STK32A: variants seen among roughly 807,000 people sequenced by gnomAD.
The protein encoded by STK32A is serine/threonine kinase 32A, also known as serine/threonine-protein kinase 32A.
In STK32A, 41 loss-of-function variants were observed where a neutral mutation model predicts 53.2. That is an observed-to-expected ratio of 0.77 (90% CI 0.60 to 1.00). The LOEUF (loss-of-function observed/expected upper bound fraction) is 1.00. STK32A is among the 50% of genes least tolerant of loss of function. The pLI is 0.00. For synonymous variants in STK32A, 166 were observed against 162.8 expected (o/e 1.02, Z -0.15); for missense variants, 458 against 485.8 (o/e 0.94, Z 0.54).
chr5:147,339,694 C>T (rs958421420), intron 5 of STK32A, among the ~76,000 whole-genome samples: 5 of 152,278 alleles, frequency 3.3e-5, no homozygotes, highest in African/African-American at 1.2e-4. Flanking sequence ...CCACATGTTA[C>T]ATCAGCGTGA....
intron 4 of STK32A, among the ~76,000 whole-genome samples, chr5:147,296,050 C>A (rs930771680): frequency 6.6e-6 from 1 of 152,184 alleles, no homozygotes; most frequent in Non-Finnish European, 1.5e-5. Flanking sequence ...GAAACCCTTA[C>A]AAATGGAGAT....
At chr5:147,326,014 C>T (rs748911932) in intron 5 of STK32A, among the ~76,000 whole-genome samples, 3 of 152,136 alleles carry the variant, frequency 2.0e-5, no homozygotes, top group Non-Finnish European at 2.9e-5. Context: ...TTTCTTTAGG[C>T]TTCATGTTCT....
At position 147,373,045 on chromosome 5, in the gene STK32A, G is replaced by A. The variant is rs186411898; in HGVS notation, c.778-124G>A. 151 of 1,151,792 alleles carry A rather than the reference G, an allele frequency of 1.3e-4. No homozygotes were observed. In the African/African-American group the frequency reaches 2.2e-3, roughly 17 times the overall value. The allele number at this position is 1,151,792 out of a possible 1,614,324, so 71.3% of individuals were successfully genotyped here. On this transcript the variant is annotated intron_variant, in intron 9 of 12. Transcript: ENST00000397936. ...TGATCTACATTGTTTATGGGATTAGGGATAGGGGACACTGTCTATTTTCCT... is the reference window on the plus strand; with the variant it reads ...TGATCTACATTGTTTATGGGATTAGAGATAGGGGACACTGTCTATTTTCCT...
intron 8 of STK32A, among the ~76,000 whole-genome samples, chr5:147,368,620 A>G (rs950375404): frequency 6.6e-6 from 1 of 152,230 alleles, no homozygotes; most frequent in African/African-American, 2.4e-5. Context: ...TGGTAAATAA[A>G]TAAATATACA....
intron 4 of STK32A, among the ~76,000 whole-genome samples, chr5:147,319,816 C>G (rs1436006016): frequency 6.6e-6 from 1 of 152,130 alleles, no homozygotes; most frequent in Admixed American, 6.5e-5. Context: ...ACTGTTCTAT[C>G]ATTTTAGGTT....
chr5:147,308,518 A>G (rs573987305), intron 4 of STK32A, among the ~76,000 whole-genome samples: 1 of 152,216 alleles, frequency 6.6e-6, no homozygotes, highest in East Asian at 1.9e-4. Flanking sequence ...TTCCCTTTCA[A>G]TCTTGCCTTT....
At chr5:147,314,740 CTTTTTT>C (rs780298418) in intron 4 of STK32A, among the ~76,000 whole-genome samples, 3 of 136,034 alleles carry the variant, frequency 2.2e-5, no homozygotes, top group Non-Finnish European at 4.7e-5. Context: ...CTTTCTTTTT[CTTTTTT>C]TTTTTTTTTG....
chr5:147,350,890 C>A (rs1167662200), intron 6 of STK32A, among the ~76,000 whole-genome samples, 175 bp from the exon 7 acceptor site: 1 of 152,176 alleles, frequency 6.6e-6, no homozygotes. Context: ...AGAGACTAAT[C>A]ATTGCATATC....
chr5:147,241,366 C>T (rs998818662), intron 2 of STK32A, among the ~76,000 whole-genome samples: 1 of 152,130 alleles, frequency 6.6e-6, no homozygotes, highest in Non-Finnish European at 1.5e-5. Flanking sequence ...GTAGTCCCAG[C>T]TACTCGGGAG....
intron 4 of STK32A, among the ~76,000 whole-genome samples, chr5:147,314,178 A>G (rs1753842563): frequency 6.6e-6 from 1 of 152,158 alleles, no homozygotes; most frequent in South Asian, 2.1e-4. Context: ...TGCAAATCAT[A>G]TATCTACTAA....
At chr5:147,343,731 T>C (rs1755552519) in intron 6 of STK32A, among the ~76,000 whole-genome samples, 1 of 152,228 alleles carries the variant, frequency 6.6e-6, no homozygotes, top group South Asian at 2.1e-4. Flanking sequence ...TGCGGCTTTG[T>C]CTATGCTGGC....
In STK32A at chr5:147,384,799, C is replaced by T. The variant is rs149367064; in HGVS notation, c.*816C>T. ...ATTGTCCTCTGAAGATTAGCAGAGA[C>T]CTGTATCTGGAGAGGATCAGAAAAG... On this transcript the variant is annotated 3_prime_UTR_variant, in exon 13 of 13. Coordinates refer to ENST00000397936, the MANE Select transcript of STK32A (RefSeq NM_001112724.2). 1 of 199,636 alleles carries T rather than the reference C, an allele frequency of 5.0e-6. No homozygotes were observed. The highest frequency in any genetic ancestry group is 2.3e-5 in the African/African-American group (1 of 43,220). 12.4% of individuals were successfully genotyped at this position (199,636 alleles called of 1,614,324 possible). A position where few individuals can be genotyped will look rare whatever the true frequency, so the allele number is the denominator to read the frequency against.
At chr5:147,288,975 G>A (rs1404288849) in intron 4 of STK32A, among the ~76,000 whole-genome samples, 3 of 152,120 alleles carry the variant, frequency 2.0e-5, no homozygotes, top group African/African-American at 4.8e-5. Context: ...ACAAATATTC[G>A]TTCTTTCCTT....
intron 2 of STK32A, among the ~76,000 whole-genome samples, chr5:147,272,466 T>G (rs1269980386): frequency 6.6e-6 from 1 of 152,180 alleles, no homozygotes; most frequent in African/African-American, 2.4e-5. Context: ...ATTAGCTACT[T>G]AAAAATAATG....
At chr5:147,268,497 G>A (rs1581016367) in intron 2 of STK32A, among the ~76,000 whole-genome samples, 1 of 152,164 alleles carries the variant, frequency 6.6e-6, no homozygotes, top group Admixed American at 6.5e-5. Context: ...TATTGGGGAT[G>A]CCTGCAGAGT....
chr5:147,337,766 A>C (rs10041697), intron 5 of STK32A, among the ~76,000 whole-genome samples: 42,641 of 151,942 alleles, frequency 0.28, 7,739 homozygotes, highest in African/African-American at 0.52. Flanking sequence ...AAAGCGAACT[A>C]TGGGCAGGAA....
At chr5:147,339,321 GA>G (rs1215345858) in intron 5 of STK32A, among the ~76,000 whole-genome samples, 1 of 152,252 alleles carries the variant, frequency 6.6e-6, no homozygotes, top group Admixed American at 6.5e-5. Context: ...TGGATGCACA[GA>G]AGTCAAGAAT....
intron 2 of STK32A, among the ~76,000 whole-genome samples, chr5:147,247,870 C>T (rs1753822864): frequency 6.6e-6 from 1 of 151,828 alleles, no homozygotes; most frequent in African/African-American, 2.4e-5. Flanking sequence ...GCCTGTAATC[C>T]CAGCACTTTG....
At chr5:147,249,116 C>T (rs1416780486) in intron 2 of STK32A, among the ~76,000 whole-genome samples, 2 of 151,838 alleles carry the variant, frequency 1.3e-5, no homozygotes, top group African/African-American at 4.8e-5. Context: ...TAATAAGCAT[C>T]CCATAAACTT....
Sources: allele counts gnomAD v4.1 joint callset (sites outside exome capture counted in the v4.1 genomes callset), GRCh38; gene constraint gnomAD v4.1.1; transcripts MANE v1.5; gene names NCBI Gene and HGNC (gene_info 2026-07-23, HGNC 2026-07-21).